PHACTR1: variants seen among roughly 807,000 people sequenced by gnomAD.
PHACTR1 encodes the protein phosphatase and actin regulator 1.
A neutral mutation model predicts 69.2 loss-of-function variants in PHACTR1; 16 were observed. The observed-to-expected ratio is 0.23, with a 90% confidence interval of 0.16 to 0.35. The LOEUF (loss-of-function observed/expected upper bound fraction) is 0.35, where lower values mean the gene tolerates loss of function less well. Among genes scored for constraint, PHACTR1 ranks in the 10% least tolerant of loss-of-function variants. PHACTR1 has a pLI of 1.00. For missense variants in PHACTR1, 510 were observed against 734.7 expected, an observed-to-expected ratio of 0.69 and a Z score of 3.54; for synonymous variants, 312 against 284.5, an observed-to-expected ratio of 1.10 and a Z score of -0.97.
At chr6:13,157,355 G>A (rs183032914) in intron 5 of PHACTR1, among the ~76,000 whole-genome samples, 28 of 152,302 alleles carry the variant, frequency 1.8e-4, no homozygotes, top group Admixed American at 1.4e-3. Context: ...ATCTTAACTT[G>A]TGATCACACA....
chr6:13,202,502 G>C (rs1765370138), intron 7 of PHACTR1, among the ~76,000 whole-genome samples: 1 of 128,124 alleles, frequency 7.8e-6, no homozygotes, highest in African/African-American at 3.0e-5. Flanking sequence ...TTTTTTTTGA[G>C]ACAGAGTTTC....
At chr6:13,131,217 A>ACACT (rs1820406376) in intron 5 of PHACTR1, among the ~76,000 whole-genome samples, 2 of 31,738 alleles carry the variant, frequency 6.3e-5, no homozygotes, top group African/African-American at 1.4e-4. Flanking sequence ...ATACACACAC[A>ACACT]CACACACACA....
At chr6:13,194,667 C>A (rs1174882838) in intron 7 of PHACTR1, among the ~76,000 whole-genome samples, 1 of 152,050 alleles carries the variant, frequency 6.6e-6, no homozygotes, top group African/African-American at 2.4e-5. Context: ...GTTTTCACTG[C>A]CAAAACATGA....
At chr6:12,754,495 C>G (rs1212251834) in intron 4 of PHACTR1, among the ~76,000 whole-genome samples, 1 of 152,158 alleles carries the variant, frequency 6.6e-6, no homozygotes, top group African/African-American at 2.4e-5. Flanking sequence ...AGGCAGAATT[C>G]AAATGGTGGA....
chr6:13,231,084 G>GA (rs1562036960), intron 10 of PHACTR1, among the ~76,000 whole-genome samples: 1 of 19,126 alleles, frequency 5.2e-5, no homozygotes, highest in South Asian at 3.7e-3. Flanking sequence ...AGGAAGGAAG[G>GA]AAGAAGGAAG....
At chr6:12,825,901 TGAAAAGAAAA>T (rs143787723) in intron 4 of PHACTR1, among the ~76,000 whole-genome samples, 209 of 151,918 alleles carry the variant, frequency 1.4e-3, no homozygotes, top group Middle Eastern at 3.4e-3. Flanking sequence ...AAATAACACA[TGAAAAGAAAA>T]GAAAAGAAAA....
intron 4 of PHACTR1, among the ~76,000 whole-genome samples, chr6:12,993,850 T>TA (rs1797098299): frequency 1.3e-5 from 2 of 151,980 alleles, no homozygotes; most frequent in South Asian, 4.1e-4. Context: ...TAGAAGCAAA[T>TA]AAAAAATCAC....
At chr6:12,847,446 A>G (rs1251372137) in intron 4 of PHACTR1, among the ~76,000 whole-genome samples, 1 of 152,178 alleles carries the variant, frequency 6.6e-6, no homozygotes, top group Non-Finnish European at 1.5e-5. Flanking sequence ...CACAAAGCTC[A>G]TTTATCTTAA....
intron 5 of PHACTR1, among the ~76,000 whole-genome samples, chr6:13,132,283 C>T (rs896197206): frequency 6.6e-6 from 1 of 152,274 alleles, no homozygotes; most frequent in Admixed American, 6.5e-5. Flanking sequence ...AGTTCCAGCG[C>T]AAGTCTCACC....
At chr6:12,791,587 C>A (rs1206370932) in intron 4 of PHACTR1, among the ~76,000 whole-genome samples, 1 of 152,226 alleles carries the variant, frequency 6.6e-6, no homozygotes, top group Non-Finnish European at 1.5e-5. Context: ...AATGCACTGG[C>A]AGGCTGGCTT....
intron 4 of PHACTR1, among the ~76,000 whole-genome samples, chr6:12,974,463 C>T (rs1029933302): frequency 6.6e-6 from 1 of 152,168 alleles, no homozygotes; most frequent in South Asian, 2.1e-4. Context: ...TGTCCCGGCC[C>T]GTTAACCAGA....
At chr6:12,979,701 T>G (rs1298433262) in intron 4 of PHACTR1, among the ~76,000 whole-genome samples, 2 of 151,628 alleles carry the variant, frequency 1.3e-5, no homozygotes, top group African/African-American at 2.4e-5. Flanking sequence ...GCAGTGAGTT[T>G]TCCTTTAAAG....
chr6:12,760,249 T>C (rs1261192580), intron 4 of PHACTR1, among the ~76,000 whole-genome samples: 1 of 152,076 alleles, frequency 6.6e-6, no homozygotes, highest in Non-Finnish European at 1.5e-5. Context: ...CAGGAGAAAA[T>C]TTTCCTGCCG....
At chr6:12,795,243 A>G (rs1321726628) in intron 4 of PHACTR1, among the ~76,000 whole-genome samples, 1 of 152,178 alleles carries the variant, frequency 6.6e-6, no homozygotes, top group Non-Finnish European at 1.5e-5. Flanking sequence ...ATTCTAGTTA[A>G]TAATCCCACT....
At chr6:13,191,864 C>T (rs985172216) in intron 7 of PHACTR1, among the ~76,000 whole-genome samples, 3 of 152,214 alleles carry the variant, frequency 2.0e-5, no homozygotes, top group African/African-American at 7.2e-5. Context: ...CTACCCATTT[C>T]TCCATGTTTT....
intron 3 of PHACTR1, among the ~76,000 whole-genome samples, chr6:12,747,913 T>C (rs1299023156): frequency 6.6e-6 from 1 of 152,066 alleles, no homozygotes; most frequent in African/African-American, 2.4e-5. Flanking sequence ...AGTTTCAGAT[T>C]AACACAGAGA....
chr6:12,789,833 A>T (rs1034280586), intron 4 of PHACTR1, among the ~76,000 whole-genome samples: 4 of 151,746 alleles, frequency 2.6e-5, no homozygotes, highest in Non-Finnish European at 5.9e-5. Context: ...CGTGCAGGTT[A>T]GTTACATATG....
At chr6:13,203,087 T>C (rs1765447596) in intron 7 of PHACTR1, among the ~76,000 whole-genome samples, 1 of 152,258 alleles carries the variant, frequency 6.6e-6, no homozygotes, top group Non-Finnish European at 1.5e-5. Flanking sequence ...AGTGTCCATA[T>C]GCCACAACTG....
chr6:13,253,242 G>T (rs943660046), intron 10 of PHACTR1, among the ~76,000 whole-genome samples: 2 of 152,164 alleles, frequency 1.3e-5, no homozygotes, highest in South Asian at 2.1e-4. Context: ...AGGAATCCAC[G>T]TGTTGCAGTC....
Sources: allele counts gnomAD v4.1 joint callset (sites outside exome capture counted in the v4.1 genomes callset), GRCh38; gene constraint gnomAD v4.1.1; transcripts MANE v1.5; gene names NCBI Gene and HGNC (gene_info 2026-07-23, HGNC 2026-07-21).